Variants in GLIS1 observed in about 807,000 individuals in gnomAD.
GLIS1 encodes GLIS family zinc finger 1, also known as zinc finger protein GLIS1.
A neutral mutation model predicts 63.8 loss-of-function variants in GLIS1; 24 were observed. The ratio of observed to expected loss-of-function variants is 0.38; its 90% confidence interval spans 0.27 to 0.53. The LOEUF (loss-of-function observed/expected upper bound fraction) is 0.53. Ranked by LOEUF, GLIS1 falls within the 20% of genes least tolerant of loss-of-function variation. GLIS1 has a pLI of 0.85. For synonymous variants in GLIS1, 450 were observed against 482.5 expected (o/e 0.93, Z 0.88); for missense variants, 1,036 against 1,074.1 (o/e 0.96, Z 0.50).
At chr1:53,707,145 AC>A (rs747267856) in intron 2 of GLIS1, among the ~76,000 whole-genome samples, 29 of 152,196 alleles carry the variant, frequency 1.9e-4, no homozygotes, top group Non-Finnish European at 4.0e-4. Context: ...CTTCCCTGGC[AC>A]CTTCCCAGGC....
chr1:53,648,843 G>A (rs1418192744), intron 2 of GLIS1, among the ~76,000 whole-genome samples: 1 of 152,240 alleles, frequency 6.6e-6, no homozygotes, highest in Non-Finnish European at 1.5e-5. Context: ...GCAGGGAGGA[G>A]AGATGGGGAA....
At chr1:53,597,950 C>T (rs1193859470) in intron 3 of GLIS1, among the ~76,000 whole-genome samples, 1 of 152,122 alleles carries the variant, frequency 6.6e-6, no homozygotes, top group African/African-American at 2.4e-5. Context: ...TAGGTTAGCA[C>T]AGCTTCTACC....
At chr1:53,669,596 G>A (rs1408732811) in intron 2 of GLIS1, among the ~76,000 whole-genome samples, 2 of 152,232 alleles carry the variant, frequency 1.3e-5, no homozygotes, top group African/African-American at 2.4e-5. Flanking sequence ...GCTAGGGACT[G>A]GAGGTCCTTC....
Position 53,524,867 on chromosome 1 carries a change from G to C in GLIS1, c.1503C>G (p.Ile501Met), listed in dbSNP as rs746079758. ...CTGTGTAGCGCTTGGAGCAGCCAGGGATCTGACAGGCGTACGGCTTCTGTA... is the reference window on the plus strand; with the variant it reads ...CTGTGTAGCGCTTGGAGCAGCCAGGCATCTGACAGGCGTACGGCTTCTGTA... ...HLDTKPYACQIPGCSKRYTDP... is the reference protein window; with the variant it reads ...HLDTKPYACQMPGCSKRYTDP... The change falls in exon 6 of 11, where the codon ATC (isoleucine) becomes ATG (methionine). Residue 501 changes from isoleucine to methionine, a missense_variant. Around this residue, in one of 3 missense-constraint regions of GLIS1, gnomAD observed 400 missense variants for 400.9 expected, o/e 1.00. Transcript: ENST00000628545. The C allele has an allele frequency of 6.2e-7, 1 of 1,609,504 alleles. No individual in the cohort carries two copies. Among genetic ancestry groups the C allele is most frequent in the Admixed American group, 1.7e-5 (1 of 59,944 alleles).
intron 2 of GLIS1, among the ~76,000 whole-genome samples, chr1:53,679,553 C>T (rs565999842): frequency 5.4e-4 from 82 of 152,284 alleles, no homozygotes; most frequent in Middle Eastern, 6.8e-3. Context: ...CCCTCCTGTT[C>T]GGGCCCCAGA....
At chr1:53,507,172 T>C (rs899394843) in intron 10 of GLIS1, among the ~76,000 whole-genome samples, 3 of 152,148 alleles carry the variant, frequency 2.0e-5, no homozygotes, top group African/African-American at 7.2e-5. Context: ...ACCCTTTCAG[T>C]TGTATCCCCC....
At chr1:53,676,690 G>C (rs987057656) in intron 2 of GLIS1, among the ~76,000 whole-genome samples, 2 of 152,078 alleles carry the variant, frequency 1.3e-5, no homozygotes, top group African/African-American at 4.8e-5. Context: ...TCCTTCCCCA[G>C]CCCTCGGGCT....
In GLIS1 at chr1:53,529,959, G is replaced by A; in HGVS notation, c.1321-7C>T. 6.2e-7 allele frequency: 1 copy of A among 1,612,426 alleles called. No homozygotes were observed. Among genetic ancestry groups the A allele is most frequent in the Middle Eastern group, 1.7e-4 (1 of 5,988 alleles). ...CCTTGCTGCAGCCTTCAAACTGCAG[G>A]AGAGGCTGGTGAGGGGAACTCCCAG... On this transcript the variant is annotated splice_polypyrimidine_tract_variant and splice_region_variant and intron_variant, in intron 4 of 10. Coordinates refer to ENST00000628545, the MANE Select transcript of GLIS1 (RefSeq NM_001367484.1).
intron 2 of GLIS1, among the ~76,000 whole-genome samples, 155 bp downstream of exon 2, chr1:53,737,651 T>C (rs543257209): frequency 6.6e-6 from 1 of 152,368 alleles, no homozygotes; most frequent in South Asian, 2.1e-4. Context: ...AAAGCAGGCA[T>C]ACTTTCACAC....
At position 53,598,638 on chromosome 1, in the gene GLIS1, A is replaced by C. The variant is rs1353987382; in HGVS notation, c.437+1463T>G. 6.6e-6 allele frequency among the ~76,000 whole-genome samples: 1 copy of C among 152,140 alleles called. No individual in the cohort carries two copies. Among genetic ancestry groups the C allele is most frequent in the Non-Finnish European group, 1.5e-5 (1 of 68,020 alleles). On this transcript the variant is annotated intron_variant, in intron 3 of 10. Coordinates refer to ENST00000628545, the MANE Select transcript of GLIS1 (RefSeq NM_001367484.1). This position sits in a 1 kb window ranked among gnomAD's most constrained non-coding sequence, Gnocchi z 4.6. ...AGCTAAGGAGAGAGGCCTCAGAAGA[A>C]ACCAAACCTGCTGGCACATCAGTCC...
chr1:53,712,549 C>T (rs1022201624), intron 2 of GLIS1, among the ~76,000 whole-genome samples: 5 of 152,210 alleles, frequency 3.3e-5, no homozygotes, highest in African/African-American at 1.2e-4. Flanking sequence ...CTGGTCACAA[C>T]AAACAGGCTC....
chr1:53,694,283 A>T (rs1330721573), intron 2 of GLIS1, among the ~76,000 whole-genome samples: 2 of 152,150 alleles, frequency 1.3e-5, no homozygotes, highest in African/African-American at 4.8e-5. Context: ...AGGAGAGAAG[A>T]CATCAGCAAA....
intron 2 of GLIS1, among the ~76,000 whole-genome samples, chr1:53,711,854 A>C (rs1301263909): frequency 6.6e-6 from 1 of 152,172 alleles, no homozygotes; most frequent in African/African-American, 2.4e-5. Flanking sequence ...GCCTTAAGCA[A>C]GTCACCTGGG....
intron 4 of GLIS1, among the ~76,000 whole-genome samples, chr1:53,582,054 C>G (rs1348588078): frequency 2.0e-5 from 3 of 152,172 alleles, no homozygotes; most frequent in Non-Finnish European, 4.4e-5. Flanking sequence ...GGGGAGGGAA[C>G]CTAGCTCTGA....
chr1:53,734,029 C>T, intron 2 of GLIS1: 1 of 985,208 alleles, frequency 1.0e-6, no homozygotes, highest in Non-Finnish European at 1.2e-6. Flanking sequence ...CCACCGCCCC[C>T]ACTCCGAGTC....
intron 7 of GLIS1, among the ~76,000 whole-genome samples, chr1:53,519,773 G>A (rs1644387997): frequency 1.3e-5 from 2 of 152,236 alleles, no homozygotes; most frequent in Non-Finnish European, 2.9e-5. Flanking sequence ...GGGCCACAGA[G>A]TTTAGCGATG....
chr1:53,690,220 G>C (rs563006350), intron 2 of GLIS1, among the ~76,000 whole-genome samples: 2 of 152,210 alleles, frequency 1.3e-5, no homozygotes, highest in Non-Finnish European at 2.9e-5. Flanking sequence ...GAGCCTCACC[G>C]CCCAGCAACG....
intron 2 of GLIS1, among the ~76,000 whole-genome samples, chr1:53,618,035 C>A (rs79940482): frequency 4.9e-4 from 74 of 152,252 alleles, no homozygotes; most frequent in Non-Finnish European, 9.3e-4. Flanking sequence ...GGTGAGCAGG[C>A]AGTCCAGGCC....
At chr1:53,530,405 T>G (rs1644517891) in intron 4 of GLIS1, among the ~76,000 whole-genome samples, 1 of 152,124 alleles carries the variant, frequency 6.6e-6, no homozygotes, top group African/African-American at 2.4e-5. Flanking sequence ...CCTCTGCGCC[T>G]TGTTTCCTTG....
Sources: allele counts gnomAD v4.1 joint callset (sites outside exome capture counted in the v4.1 genomes callset), GRCh38; gene constraint gnomAD v4.1.1; regional missense constraint gnomAD v4.1.1; non-coding constraint Gnocchi (gnomAD v3.1); transcripts MANE v1.5; gene names NCBI Gene and HGNC (gene_info 2026-07-23, HGNC 2026-07-21).